Variants in GPR141 observed in about 807,000 individuals in gnomAD.
GPR141 encodes the protein probable G protein-coupled receptor 141.
Under a neutral mutation model 6.8 loss-of-function variants are expected in GPR141, and 6 were observed. The ratio of observed to expected loss-of-function variants is 0.88; its 90% CI spans 0.48 to 1.74. The LOEUF (loss-of-function observed/expected upper bound fraction) is 1.74. Ranked by LOEUF, GPR141 falls within the 40% of genes most tolerant of loss-of-function variation. GPR141 has a pLI of 0.01. For missense variants in GPR141, 372 were observed against 372.9 expected, an observed-to-expected ratio of 1.00 and a Z score of 0.02; for synonymous variants, 140 against 142.3, an observed-to-expected ratio of 0.98 and a Z score of 0.11.
At position 37,693,733 on chromosome 7, in the gene GPR141, A is replaced by T. The variant is rs183890432; in HGVS notation, c.-15+8150A>T. On this transcript the variant is annotated intron_variant, in intron 2 of 2. Transcript: ENST00000334425. ...AACAATGACTCTACTCCCTGGGAAGAGGGGTATCTCAGTAGTTCAGACTCT... is the reference window on the plus strand; with the variant it reads ...AACAATGACTCTACTCCCTGGGAAGTGGGGTATCTCAGTAGTTCAGACTCT... Among the ~76,000 whole-genome samples the T allele has an allele frequency of 7.9e-5, 12 of 152,220 alleles. No individual in the cohort carries two copies. In the East Asian group the frequency reaches 2.1e-3, roughly 27 times the overall value.
chr7:37,729,200 A>G (rs1035181240), intron 2 of GPR141, among the ~76,000 whole-genome samples: 1 of 152,124 alleles, frequency 6.6e-6, no homozygotes, highest in African/African-American at 2.4e-5. Context: ...TCTAACAGTA[A>G]CCAAAGAAGG....
At chr7:37,724,338 A>C (rs1811514683) in intron 2 of GPR141, among the ~76,000 whole-genome samples, 3 of 152,156 alleles carry the variant, frequency 2.0e-5, no homozygotes, top group Non-Finnish European at 4.4e-5. Flanking sequence ...AACCCAAGAG[A>C]GTCCTTTCAA....
Position 37,742,402 on chromosome 7 carries a change from C to A in GPR141, c.*1091C>A, listed in dbSNP as rs1384064468. Among the ~76,000 whole-genome samples, 1 of 151,994 alleles carries A rather than the reference C, an allele frequency of 6.6e-6. No individual in the cohort carries two copies. Among genetic ancestry groups the A allele is most frequent in the Non-Finnish European group, 1.5e-5 (1 of 67,996 alleles). On this transcript the variant is annotated 3_prime_UTR_variant, in exon 3 of 3. Coordinates refer to ENST00000334425, the MANE Select transcript of GPR141 (RefSeq NM_001381946.1). ...TAATGCTCTCCCTCCCCTAGCCCCC[C>A]ACCCCTGGACAGGCCCCATTGTGTG...
intron 2 of GPR141, among the ~76,000 whole-genome samples, chr7:37,708,133 C>T (rs1450162191): frequency 2.0e-5 from 3 of 151,896 alleles, no homozygotes; most frequent in South Asian, 2.1e-4. Flanking sequence ...GTCACAGCAG[C>T]CTGACAGATG....
chr7:37,741,355 T>G lies in GPR141; in HGVS notation c.*44T>G. 1 of 1,368,120 alleles carries G rather than the reference T, an allele frequency of 7.3e-7. No individual in the cohort carries two copies. Among genetic ancestry groups the G allele is most frequent in the Non-Finnish European group, 1.0e-6 (1 of 995,134 alleles). 84.7% of individuals were successfully genotyped at this position (1,368,120 alleles called of 1,614,324 possible). A position where few individuals can be genotyped will look rare whatever the true frequency, so the allele number is the denominator to read the frequency against. On this transcript the variant is annotated 3_prime_UTR_variant, in exon 3 of 3. Transcript: ENST00000334425. ...ATATTTGCTTCCTTTATATTGGGAA[T>G]AAAAATGGGTATAGGGGAGGTAAGA...
chr7:37,721,198 T>C (rs1811309516), intron 2 of GPR141, among the ~76,000 whole-genome samples: 1 of 152,174 alleles, frequency 6.6e-6, no homozygotes, highest in African/African-American at 2.4e-5. Context: ...TGTCATTTGT[T>C]AGTTGAGTGA....
chr7:37,728,981 A>G (rs1407533773), intron 2 of GPR141, among the ~76,000 whole-genome samples: 1 of 152,172 alleles, frequency 6.6e-6, no homozygotes, highest in African/African-American at 2.4e-5. Flanking sequence ...ACTTCATTCT[A>G]GTTGTTTAGC....
chr7:37,741,189 A>G lies in GPR141; in HGVS notation c.796A>G (p.Asn266Asp). Residue 266 changes from asparagine to aspartate, a missense_variant, in exon 3 of 3, where the codon AAC becomes GAC. By Grantham distance (23) the Asn-to-Asp change is conservative (BLOSUM62 1). Transcript: ENST00000334425. ...NACNSKVAFY[N>D]EIFLSVTAIS... is the part of the protein sequence containing the mutation. The stretch of plus-strand genomic sequence containing the variant: ...CTGTAACAGCAAGGTTGCATTTTAT[A>G]ACGAAATCTTCTTGAGTGTAACAGC... 6.2e-7 allele frequency: 1 copy of G among 1,613,914 alleles called. No individual in the cohort carries two copies. The highest frequency in any genetic ancestry group is 8.5e-7 in the Non-Finnish European group (1 of 1,179,786).
rs557224956 is a variant in GPR141, at chr7:37,701,336, TTAA to T, written c.-15+15755_-15+15757del. ...AATGGTCATCCATGTATTTCTGACTTTAATGTTTGAGTGGGTTGTTGGGAGAGG... is the reference window on the plus strand; with the variant it reads ...AATGGTCATCCATGTATTTCTGACTTTGTTTGAGTGGGTTGTTGGGAGAGG... On this transcript the variant is annotated intron_variant, in intron 2 of 2. Transcript: ENST00000334425. Among the ~76,000 whole-genome samples, 10 of 152,242 alleles carry T rather than the reference TTAA, an allele frequency of 6.6e-5. No homozygotes were observed. In the East Asian group the frequency reaches 1.9e-3, roughly 29 times the overall value.
intron 2 of GPR141, among the ~76,000 whole-genome samples, chr7:37,701,388 AC>A (rs1363519549): frequency 6.6e-6 from 1 of 152,104 alleles, no homozygotes; most frequent in Non-Finnish European, 1.5e-5. Context: ...TTGCTTCATG[AC>A]CCAGGGAAAG....
chr7:37,720,733 C>T (rs1296922892), intron 2 of GPR141, among the ~76,000 whole-genome samples: 6 of 139,666 alleles, frequency 4.3e-5, no homozygotes, highest in Non-Finnish European at 7.6e-5. Context: ...AGCCAGACTC[C>T]GTCTCAAAAA....
In GPR141 at chr7:37,732,781, T is replaced by G. The variant is rs536551597; in HGVS notation, c.-14-7599T>G. 5.3e-5 allele frequency among the ~76,000 whole-genome samples: 8 copies of G among 152,300 alleles called. No individual in the cohort carries two copies. In the South Asian group the frequency reaches 1.5e-3, roughly 28 times the overall value. On this transcript the variant is annotated intron_variant, in intron 2 of 2. Transcript: ENST00000334425. Reference sequence around the variant, plus strand: ...AGCAGGACTCTTTATAAGAGCTAGATGGTCGTAAGGAGAGGATTGGCACAG... The same window carrying G: ...AGCAGGACTCTTTATAAGAGCTAGAGGGTCGTAAGGAGAGGATTGGCACAG...
chr7:37,698,774 T>C (rs570572733), intron 2 of GPR141, among the ~76,000 whole-genome samples: 2 of 152,344 alleles, frequency 1.3e-5, no homozygotes, highest in East Asian at 3.9e-4. Context: ...CTTGAGCTGC[T>C]CTCTTTTTTT....
chr7:37,694,762 T>G (rs778667292), intron 2 of GPR141, among the ~76,000 whole-genome samples: 1 of 152,142 alleles, frequency 6.6e-6, no homozygotes, highest in Non-Finnish European at 1.5e-5. Flanking sequence ...AGAATTCACT[T>G]ATTACCATGA....
chr7:37,700,515 C>T (rs1411750281), intron 2 of GPR141, among the ~76,000 whole-genome samples: 1 of 152,158 alleles, frequency 6.6e-6, no homozygotes, highest in Non-Finnish European at 1.5e-5. Flanking sequence ...TCACTGTGAA[C>T]CTCCTCTACC....
chr7:37,717,119 C>T (rs536762584), intron 2 of GPR141, among the ~76,000 whole-genome samples: 1 of 152,298 alleles, frequency 6.6e-6, no homozygotes, highest in Admixed American at 6.5e-5. Context: ...ACAGATAGGC[C>T]TTGCTAATTA....
chr7:37,701,437 G>A (rs1810274430), intron 2 of GPR141, among the ~76,000 whole-genome samples: 2 of 152,100 alleles, frequency 1.3e-5, no homozygotes, highest in Non-Finnish European at 2.9e-5. Context: ...GCTCAATTCT[G>A]TCTTCTGTTC....
chr7:37,687,970 C>A (rs1043646338), intron 2 of GPR141, among the ~76,000 whole-genome samples: 1 of 152,110 alleles, frequency 6.6e-6, no homozygotes, highest in Non-Finnish European at 1.5e-5. Flanking sequence ...ATCTCTGTTG[C>A]AACGATACAA....
At position 37,741,637 on chromosome 7, in the gene GPR141, C is replaced by G. The variant is rs1812569278; in HGVS notation, c.*326C>G. ...TTTCATTAGCTCATTCTAAGTTCCT[C>G]TGTTTGAAGCATGGTCTCTTAGGTT... On this transcript the variant is annotated 3_prime_UTR_variant, in exon 3 of 3. Transcript: ENST00000334425. Among the ~76,000 whole-genome samples, 3 of 152,288 alleles carry G rather than the reference C, an allele frequency of 2.0e-5. No homozygotes were observed. The highest frequency in any genetic ancestry group is 7.2e-5 in the African/African-American group (3 of 41,570).
Sources: gnomAD v4.1 joint callset for allele counts (sites outside exome capture counted in the v4.1 genomes callset) on GRCh38, gnomAD v4.1.1 for gene constraint, MANE v1.5 for transcripts, NCBI Gene and HGNC (gene_info 2026-07-23, HGNC 2026-07-21) for gene names.